The following SIRPA variants were observed in gnomAD, a reference collection of about 807,000 sequenced individuals.
The protein encoded by SIRPA is signal regulatory protein alpha.
SIRPA carries 9 observed loss-of-function variants against 50.3 expected under a neutral mutation model. The ratio of observed to expected loss-of-function variants is 0.18; its 90% CI spans 0.11 to 0.31. The LOEUF (loss-of-function observed/expected upper bound fraction) is 0.31. Ranked by LOEUF, SIRPA falls within the 10% of genes least tolerant of loss-of-function variation. The pLI is 1.00. For missense variants in SIRPA, 474 were observed against 661.6 expected, an observed-to-expected ratio of 0.72 and a Z score of 3.11; for synonymous variants, 265 against 284.1, an observed-to-expected ratio of 0.93 and a Z score of 0.68.
chr20:1,912,854 C>G (rs772965501), intron 1 of SIRPA, among the ~76,000 whole-genome samples: 1 of 152,232 alleles, frequency 6.6e-6, no homozygotes, highest in Non-Finnish European at 1.5e-5. Context: ...GGTCCAGTCT[C>G]GAGGCTGAAA....
At position 1,936,237 on chromosome 20, in the gene SIRPA, CGCTT is replaced by C. The variant is rs1427803499; in HGVS notation, c.1267-1082_1267-1079del. On this transcript the variant is annotated intron_variant, in intron 7 of 7. Coordinates refer to ENST00000358771, the MANE Select transcript of SIRPA (RefSeq NM_001040023.2). This position sits in a 1 kb window ranked among gnomAD's most constrained non-coding sequence, Gnocchi z 4.2. The stretch of plus-strand genomic sequence containing the variant: ...AGCAAAGTTTATCATTCATGATGGG[CGCTT>C]TTGAGGCGGCAGTGGCAGGTTGATA... 6.6e-6 allele frequency among the ~76,000 whole-genome samples: 1 copy of C among 152,096 alleles called. No individual in the cohort carries two copies. The highest frequency in any genetic ancestry group is 1.9e-4 in the East Asian group (1 of 5,186).
rs1986091358 is a variant in SIRPA, at chr20:1,928,028, C to T, written c.1226+129C>T. ...GTTGGTCAACATGTCTCTTTCTCTC[C>T]TTTGTAACCTCCTCACACTGGGTCA... On this transcript the variant is annotated intron_variant, in intron 6 of 7. Transcript: ENST00000358771. This position sits in a 1 kb window ranked among gnomAD's most constrained non-coding sequence, Gnocchi z 4.9. 1 of 816,866 alleles carries T rather than the reference C, an allele frequency of 1.2e-6. No homozygotes were observed. Among genetic ancestry groups the T allele is most frequent in the Non-Finnish European group, 2.2e-6 (1 of 463,708 alleles). 50.6% of individuals were successfully genotyped at this position (816,866 alleles called of 1,614,324 possible).
At position 1,927,469 on chromosome 20, in the gene SIRPA, CATGATCCCCGATT is replaced by C; in HGVS notation, c.1202-405_1202-393del. Among the ~76,000 whole-genome samples the C allele has an allele frequency of 6.6e-6, 1 of 152,318 alleles. No individual in the cohort carries two copies. Among genetic ancestry groups the C allele is most frequent in the Non-Finnish European group, 1.5e-5 (1 of 68,032 alleles). ...GTGGGTAGCAGACCCGGGGTTCACA[CATGATCCCCGATT>C]TGCAGCCCTGCTAGAATCTGTTTTC... is the stretch of plus-strand genomic sequence containing the variant. On this transcript the variant is annotated intron_variant, in intron 5 of 7. Transcript: ENST00000358771. The surrounding 1 kb of genome is among the most constrained non-coding windows in gnomAD (Gnocchi z 6.5).
In SIRPA at chr20:1,932,800, A is replaced by G. The variant is rs922681690; in HGVS notation, c.1227-1915A>G. 4.6e-5 allele frequency among the ~76,000 whole-genome samples: 7 copies of G among 152,120 alleles called. No individual in the cohort carries two copies. The highest frequency in any genetic ancestry group is 1.7e-4 in the African/African-American group (7 of 41,396). ...GCCGACGAGCCCTAGGTTGGATTAG[A>G]TGAGAGCTGTAAAGGAAGAGAGAGA... On this transcript the variant is annotated intron_variant, in intron 6 of 7. Transcript: ENST00000358771. The surrounding 1 kb of genome is among the most constrained non-coding windows in gnomAD (Gnocchi z 6.0).
Position 1,895,452 on chromosome 20 carries a change from A to G in SIRPA, c.5A>G (p.Glu2Gly). 7.1e-7 allele frequency: 1 copy of G among 1,413,722 alleles called. No individual in the cohort carries two copies. 87.6% of individuals were successfully genotyped at this position (1,413,722 alleles called of 1,614,324 possible). The change falls in exon 1 of 8, where the codon GAG (glutamate) becomes GGG (glycine). Residue 2 changes from glutamate (E) to glycine (G), a missense_variant. This residue lies in a region of SIRPA where 72 missense variants were observed against 76.2 expected (regional missense o/e 0.94). Coordinates refer to ENST00000358771, the MANE Select transcript of SIRPA (RefSeq NM_001040023.2). ...CTCGCTCCGCAGCCGCGGCCCATGG[A>G]GCCCGCCGGCCCGGCCCCCGGCCGC... Reference protein sequence around the residue: MEPAGPAPGRLG... With the variant: MGPAGPAPGRLG...
In SIRPA at chr20:1,937,536, G is replaced by A; in HGVS notation, c.1483G>A (p.Glu495Lys). 6.2e-7 allele frequency: 1 copy of A among 1,614,160 alleles called. No homozygotes were observed. Among genetic ancestry groups the A allele is most frequent in the Non-Finnish European group, 8.5e-7 (1 of 1,180,034 alleles). Residue 495 changes from glutamate to lysine, a missense_variant, in exon 8 of 8, where the codon GAG becomes AAG. Coordinates refer to ENST00000358771, the MANE Select transcript of SIRPA (RefSeq NM_001040023.2). The surrounding 1 kb of genome is among the most constrained non-coding windows in gnomAD (Gnocchi z 8.3). ...PAPKPEPSFS[E>K]YASVQVPRK ...CCCCAAGCCTGAGCCGTCCTTCTCA[G>A]AGTACGCCAGCGTCCAGGTCCCGAG...
In SIRPA at chr20:1,927,089, A is replaced by T. The variant is rs1237269860; in HGVS notation, c.1202-786A>T. ...TCCAACTGGTACACCTCATCTAAAG[A>T]TCCAGGACCTGCCCAGGCAGCAAGC... On this transcript the variant is annotated intron_variant, in intron 5 of 7. Coordinates refer to ENST00000358771, the MANE Select transcript of SIRPA (RefSeq NM_001040023.2). This position sits in a 1 kb window ranked among gnomAD's most constrained non-coding sequence, Gnocchi z 6.5. 1.3e-5 allele frequency among the ~76,000 whole-genome samples: 2 copies of T among 152,142 alleles called. No homozygotes were observed. The highest frequency in any genetic ancestry group is 2.4e-5 in the African/African-American group (1 of 41,424).
At chr20:1,923,978 CTGGTTGGT>C (rs35923845) in intron 4 of SIRPA, among the ~76,000 whole-genome samples, 4,276 of 150,134 alleles carry the variant, frequency 0.028, 76 homozygotes, top group Middle Eastern at 0.1. Context: ...AGTTGGTTGG[CTGGTTGGT>C]TGGTTGGTTG....
chr20:1,936,829 AAAAC>A lies in SIRPA; in HGVS notation c.1267-485_1267-482del, dbSNP rs1986603067. On this transcript the variant is annotated intron_variant, in intron 7 of 7. Coordinates refer to ENST00000358771, the MANE Select transcript of SIRPA (RefSeq NM_001040023.2). This position sits in a 1 kb window ranked among gnomAD's most constrained non-coding sequence, Gnocchi z 4.2. Reference sequence around the variant, plus strand: ...TCCTGGGTAGCGGGCCCTGTGATGGAAAACAAACATGGGCTGAGGAAGCACAAAG... The same window carrying A: ...TCCTGGGTAGCGGGCCCTGTGATGGAAAACATGGGCTGAGGAAGCACAAAG... 1.3e-5 allele frequency among the ~76,000 whole-genome samples: 2 copies of A among 152,188 alleles called. No homozygotes were observed. The highest frequency in any genetic ancestry group is 1.3e-4 in the Admixed American group (2 of 15,262).
At chr20:1,906,292 G>A (rs945858316) in intron 1 of SIRPA, among the ~76,000 whole-genome samples, 3 of 152,196 alleles carry the variant, frequency 2.0e-5, no homozygotes, top group Non-Finnish European at 2.9e-5. Context: ...CCCTGGGGAA[G>A]AAAACTCAGT....
intron 1 of SIRPA, among the ~76,000 whole-genome samples, chr20:1,906,165 C>A (rs1984533287): frequency 6.6e-6 from 1 of 152,146 alleles, no homozygotes; most frequent in Non-Finnish European, 1.5e-5. Context: ...CAGACCCATT[C>A]TACAGATAAA....
intron 4 of SIRPA, among the ~76,000 whole-genome samples, chr20:1,923,591 A>G (rs1174017499): frequency 4.6e-5 from 7 of 152,096 alleles, no homozygotes; most frequent in Non-Finnish European, 7.4e-5. Flanking sequence ...TTTTCCTAGG[A>G]CGTGTAGGGC....
At chr20:1,917,982 A>G (rs1985401882) in intron 2 of SIRPA, among the ~76,000 whole-genome samples, 1 of 152,054 alleles carries the variant, frequency 6.6e-6, no homozygotes, top group African/African-American at 2.4e-5. Context: ...TGCTCAATTG[A>G]TTGACATGAG....
At position 1,927,926 on chromosome 20, in the gene SIRPA, C is replaced by T; in HGVS notation, c.1226+27C>T. ...TAAGTGCATCATTGGTCCAGACCCT[C>T]TTGCAGTTATTATTTGGTTATTTGA... On this transcript the variant is annotated intron_variant, in intron 6 of 7. Transcript: ENST00000358771. The surrounding 1 kb of genome is among the most constrained non-coding windows in gnomAD (Gnocchi z 6.5). 1 of 1,606,782 alleles carries T rather than the reference C, an allele frequency of 6.2e-7. No homozygotes were observed.
intron 2 of SIRPA, 34 bp downstream of exon 2, chr20:1,915,489 T>G (rs1223308788): frequency 1.1e-5 from 18 of 1,610,812 alleles, no homozygotes; most frequent in South Asian, 5.5e-5. Context: ...TGCCTCTGGT[T>G]TGTGACAGTA....
chr20:1,910,816 G>C (rs1337243183), intron 1 of SIRPA, among the ~76,000 whole-genome samples: 1 of 152,192 alleles, frequency 6.6e-6, no homozygotes, highest in Non-Finnish European at 1.5e-5. Flanking sequence ...ATGATCCAAA[G>C]AGAGTTACAT....
At position 1,940,237 on chromosome 20, in the gene SIRPA, CTG is replaced by C. The variant is rs1986796120; in HGVS notation, c.*2674_*2675del. On this transcript the variant is annotated 3_prime_UTR_variant, in exon 8 of 8. Coordinates refer to ENST00000358771, the MANE Select transcript of SIRPA (RefSeq NM_001040023.2). ...GCAGGAATAGTCCCTGCCAGGGTGA[CTG>C]TGTGGATTCAAGGAGGTTGGAAGCA... 2 of 152,262 alleles carry C rather than the reference CTG, an allele frequency of 1.3e-5. No individual in the cohort carries two copies. The highest frequency in any genetic ancestry group is 1.3e-4 in the Admixed American group (2 of 15,284). 9.4% of individuals were successfully genotyped at this position (152,262 alleles called of 1,614,324 possible). A position where few individuals can be genotyped will look rare whatever the true frequency, so the allele number is the denominator to read the frequency against.
At chr20:1,913,035 T>C in intron 1 of SIRPA, among the ~76,000 whole-genome samples, 1 of 152,236 alleles carries the variant, frequency 6.6e-6, no homozygotes, top group East Asian at 1.9e-4. Context: ...CTGTCCACTG[T>C]GGGTTCTGTT....
rs1276794029 is a variant in SIRPA at position 1,927,522 on chromosome 20, A to G, written c.1202-353A>G. Among the ~76,000 whole-genome samples the G allele has an allele frequency of 6.6e-6, 1 of 152,210 alleles. No homozygotes were observed. The highest frequency in any genetic ancestry group is 1.5e-5 in the Non-Finnish European group (1 of 68,040). On this transcript the variant is annotated intron_variant, in intron 5 of 7. Transcript: ENST00000358771. This position sits in a 1 kb window ranked among gnomAD's most constrained non-coding sequence, Gnocchi z 6.5. The stretch of plus-strand genomic sequence containing the variant: ...AATCTGTTTTCAAGCCACGAAGGGC[A>G]CTGATTGGGACCTAGGCTTGTTGGA...
Sources: allele counts gnomAD v4.1 joint callset (sites outside exome capture counted in the v4.1 genomes callset), GRCh38; gene constraint gnomAD v4.1.1; regional missense constraint gnomAD v4.1.1; non-coding constraint Gnocchi (gnomAD v3.1); transcripts MANE v1.5; gene names NCBI Gene and HGNC (gene_info 2026-07-23, HGNC 2026-07-21).